The following VPS39 variants were observed in gnomAD, a reference collection of about 807,000 sequenced individuals.
The protein encoded by VPS39 is vam6/Vps39-like protein.
In VPS39, 70 loss-of-function variants were observed where a neutral mutation model predicts 121.0. The observed-to-expected ratio is 0.58, with a 90% CI of 0.48 to 0.71. The LOEUF (loss-of-function observed/expected upper bound fraction) is 0.71. VPS39 is among the 30% of genes least tolerant of loss of function. VPS39 has a pLI of 0.00. For synonymous variants in VPS39, 378 were observed against 398.1 expected, an observed-to-expected ratio of 0.95 and a Z score of 0.60; for missense variants, 818 against 1,051.5, an observed-to-expected ratio of 0.78 and a Z score of 3.07.
chr15:42,178,611 G>C (rs1266374690), intron 8 of VPS39, 41 bp from the exon 9 acceptor site: 2 of 1,609,752 alleles, frequency 1.2e-6, no homozygotes, highest in Non-Finnish European at 1.7e-6. Context: ...CCGGTCTAAG[G>C]CTTTGGGTTT....
chr15:42,165,729 T>C lies in VPS39; in HGVS notation c.1768A>G (p.Ile590Val), dbSNP rs199516643. ...FLIENFKGLA[I>V]PYLEHIIHVW... ...AAAAAATACCTTACCAGATAAGGAA[T>C]AGCCAGACCCTTAAAATTCTCTATT... The change falls in exon 17 of 25, where the codon ATT becomes GTT. Residue 590 changes from isoleucine to valine, a missense_variant. Coordinates refer to ENST00000318006, the MANE Select transcript of VPS39 (RefSeq NM_015289.5). 52 of 1,614,072 alleles carry C rather than the reference T, an allele frequency of 3.2e-5. No homozygotes were observed. The highest frequency in any genetic ancestry group is 2.0e-4 in the East Asian group (9 of 44,880).
At chr15:42,208,049 C>T (rs1033427214) in intron 1 of VPS39, 32 bp downstream of exon 1, 5 of 1,557,706 alleles carry the variant, frequency 3.2e-6, no homozygotes, top group Non-Finnish European at 4.3e-6. Flanking sequence ...CCTGTGCTGA[C>T]TCCGCCTCGG....
intron 24 of VPS39, 121 bp from the exon 25 acceptor site, chr15:42,160,950 A>C: frequency 1.1e-6 from 1 of 903,292 alleles, no homozygotes; most frequent in South Asian, 1.4e-5. Flanking sequence ...AGCCCACCCA[A>C]ACCTCAAAGA....
intron 11 of VPS39, among the ~76,000 whole-genome samples, chr15:42,173,283 C>T (rs1294537258): frequency 6.6e-6 from 1 of 152,156 alleles, no homozygotes; most frequent in African/African-American, 2.4e-5. Context: ...GGTACCTGCT[C>T]CTCGCCACTA....
At chr15:42,192,329 A>G (rs1167752979) in intron 2 of VPS39, among the ~76,000 whole-genome samples, 1 of 152,200 alleles carries the variant, frequency 6.6e-6, no homozygotes, top group Non-Finnish European at 1.5e-5. Flanking sequence ...CCCAAGAAGT[A>G]GGTATTATTA....
At chr15:42,164,511 T>G (rs1265216970) in intron 18 of VPS39, 25 bp from the exon 19 acceptor site, 5 of 1,612,576 alleles carry the variant, frequency 3.1e-6, no homozygotes, top group Non-Finnish European at 3.4e-6. Context: ...AAGCTCAAAA[T>G]GAAAGGACAC....
intron 8 of VPS39, among the ~76,000 whole-genome samples, chr15:42,181,697 T>C (rs2049583771): frequency 6.6e-6 from 1 of 152,096 alleles, no homozygotes; most frequent in African/African-American, 2.4e-5. Flanking sequence ...AATTTGCTAA[T>C]ATTTCTAATT....
intron 2 of VPS39, among the ~76,000 whole-genome samples, 191 bp from the exon 3 acceptor site, chr15:42,191,751 G>A (rs937744436): frequency 6.6e-6 from 1 of 152,174 alleles, no homozygotes; most frequent in African/African-American, 2.4e-5. Flanking sequence ...TAATTTTAGA[G>A]CAGAGCGTTT....
At chr15:42,191,990 G>A (rs1170464405) in intron 2 of VPS39, 3 of 1,489,090 alleles carry the variant, frequency 2.0e-6, no homozygotes, top group African/African-American at 2.8e-5. Context: ...TTCTAACTAA[G>A]TTCTGTATCA....
In VPS39 at chr15:42,165,101, G is replaced by GGA. The variant is rs775231107; in HGVS notation, c.1790_1791dup (p.His598SerfsTer15). On this transcript the variant is annotated frameshift_variant, in exon 18 of 25. Coordinates refer to ENST00000318006, the MANE Select transcript of VPS39 (RefSeq NM_015289.5). LOFTEE classifies it high-confidence loss of function. ...CGAGAGCCTGTCTCCTCCCAAACAT[G>GGA]GATGATGTGTTCCTGAGGCAAGATG... The GGA allele has an allele frequency of 6.2e-7, 1 of 1,614,164 alleles. No homozygotes were observed. The highest frequency in any genetic ancestry group is 8.5e-7 in the Non-Finnish European group (1 of 1,180,022).
At chr15:42,163,094 A>G (rs946275510) in intron 21 of VPS39, among the ~76,000 whole-genome samples, 18 of 152,218 alleles carry the variant, frequency 1.2e-4, no homozygotes, top group Admixed American at 7.8e-4. Flanking sequence ...CAGACCTCAT[A>G]ATTTATGACA....
In VPS39 at chr15:42,166,071, A is replaced by G. The variant is rs773500663; in HGVS notation, c.1680+88T>C. 411 of 1,338,098 alleles carry G rather than the reference A, an allele frequency of 3.1e-4. 1 individual carries two copies. Among genetic ancestry groups the G allele is most frequent in the Non-Finnish European group, 3.9e-4 (368 of 933,370 alleles). The allele number at this position is 1,338,098 out of a possible 1,614,324, so 82.9% of individuals were successfully genotyped here. On this transcript the variant is annotated intron_variant, in intron 16 of 24. Coordinates refer to ENST00000318006, the MANE Select transcript of VPS39 (RefSeq NM_015289.5). ...TGCACCAATGAAGACAGATGCATGAATCCACCCTCCTCTCCATCCACTGCT... is the reference window on the plus strand; with the variant it reads ...TGCACCAATGAAGACAGATGCATGAGTCCACCCTCCTCTCCATCCACTGCT...
intron 12 of VPS39, 61 bp downstream of exon 12, chr15:42,169,663 C>A: frequency 6.6e-7 from 1 of 1,510,462 alleles, no homozygotes; most frequent in Middle Eastern, 2.4e-4. Flanking sequence ...TTCCTTGCCA[C>A]AAAGAAACAA....
rs749693800 is a variant in VPS39 at position 42,189,098 on chromosome 15, T to C, written c.342+16A>G. On this transcript the variant is annotated intron_variant, in intron 5 of 24. Transcript: ENST00000318006. Reference sequence around the variant, plus strand: ...GATTAAAGCATAAAGCCAAATTTCATCTTGGGTAAACTTACCTGGAGGTCA... The same window carrying C: ...GATTAAAGCATAAAGCCAAATTTCACCTTGGGTAAACTTACCTGGAGGTCA... The C allele has an allele frequency of 6.2e-6, 10 of 1,600,662 alleles. No individual in the cohort carries two copies. Among genetic ancestry groups the C allele is most frequent in the Non-Finnish European group, 7.7e-6 (9 of 1,167,946 alleles).
rs2049663170 is a variant in VPS39, at chr15:42,184,681, A to T, written c.554T>A (p.Ile185Asn). 6.2e-7 allele frequency: 1 copy of T among 1,612,978 alleles called. No individual in the cohort carries two copies. ...TTTTCCTGTTGGAAAGAGCTCTTTG[A>T]TGGACCCCTTTCCATCCACCTATAG... ...YLIRVDGKGS[I>N]KELFPTGKQL... Residue 185 changes from isoleucine (I) to asparagine (N), a missense_variant, in exon 8 of 25, where the codon ATC (isoleucine) becomes AAC (asparagine). Transcript: ENST00000318006.
intron 7 of VPS39, among the ~76,000 whole-genome samples, chr15:42,186,771 T>C (rs960873574): frequency 1.3e-5 from 2 of 152,208 alleles, no homozygotes; most frequent in African/African-American, 4.8e-5. Context: ...TGCACTTCCT[T>C]TATCTCCTTA....
chr15:42,191,158 C>A lies in VPS39; in HGVS notation c.214G>T (p.Val72Phe). ...FSKKIQQIHV[V>F]SQFKILVSLL... ...CTGACCAGAATCTTAAACTGGGAAACCACATGGATCTGGAAAATAGGAAAT... is the reference window on the plus strand; with the variant it reads ...CTGACCAGAATCTTAAACTGGGAAAACACATGGATCTGGAAAATAGGAAAT... Residue 72 changes from valine (V) to phenylalanine (F), a missense_variant, in exon 4 of 25, where the codon GTT becomes TTT. Val to Phe is a conservative substitution (Grantham distance 50). Transcript: ENST00000318006. The A allele has an allele frequency of 1.2e-6, 2 of 1,614,110 alleles. No individual in the cohort carries two copies. Among genetic ancestry groups the A allele is most frequent in the Non-Finnish European group, 1.7e-6 (2 of 1,179,988 alleles).
chr15:42,187,852 G>A lies in VPS39; in HGVS notation c.347C>T (p.Thr116Ile). 6.2e-7 allele frequency: 1 copy of A among 1,614,066 alleles called. No individual in the cohort carries two copies. The highest frequency in any genetic ancestry group is 8.5e-7 in the Non-Finnish European group (1 of 1,179,974). ...CCGTAACACCTCCTCACCGGTCTCT[G>A]TGTGCTGGGAGGAGACATGCAGAGC... ...ASLFTCDLQH[T>I]ETGEEVLRMC... is the part of the protein sequence containing the mutation. The change falls in exon 6 of 25, where the codon ACA becomes ATA. Residue 116 changes from threonine (T) to isoleucine (I), a missense_variant. Transcript: ENST00000318006.
In VPS39 at chr15:42,163,398, G is replaced by A; in HGVS notation, c.2130-3C>T. 1 of 1,614,186 alleles carries A rather than the reference G, an allele frequency of 6.2e-7. No individual in the cohort carries two copies. The highest frequency in any genetic ancestry group is 1.3e-5 in the African/African-American group (1 of 75,052). ...GGTCATAGTGTTTGTGGCAGTACCT[G>A]CAAGGGAGAGAGTGGTGAGAGCAGG... On this transcript the variant is annotated splice_polypyrimidine_tract_variant and splice_region_variant and intron_variant, in intron 20 of 24. Transcript: ENST00000318006.
Sources: allele counts gnomAD v4.1 joint callset (sites outside exome capture counted in the v4.1 genomes callset), GRCh38; gene constraint gnomAD v4.1.1; transcripts MANE v1.5; gene names NCBI Gene and HGNC (gene_info 2026-07-23, HGNC 2026-07-21).